RALGPS1: variants seen among roughly 807,000 people sequenced by gnomAD.
RALGPS1 encodes the protein ras-specific guanine nucleotide-releasing factor RalGPS1.
Under a neutral mutation model 78.8 loss-of-function variants are expected in RALGPS1, and 19 were observed. The ratio of observed to expected loss-of-function variants is 0.24; its 90% CI spans 0.17 to 0.35. The LOEUF (loss-of-function observed/expected upper bound fraction) is 0.35. Ranked by LOEUF, RALGPS1 falls within the 10% of genes least tolerant of loss-of-function variation. The pLI is 1.00. For missense variants in RALGPS1, 454 were observed against 688.3 expected (o/e 0.66, Z 3.81); for synonymous variants, 228 against 256.3 (o/e 0.89, Z 1.06).
At chr9:127,087,134 A>G (rs1466173898) in intron 8 of RALGPS1, among the ~76,000 whole-genome samples, 2 of 152,098 alleles carry the variant, frequency 1.3e-5, no homozygotes, top group African/African-American at 4.8e-5. Context: ...GATGTGGGGA[A>G]GTGGAGCTCC....
At chr9:126,932,493 A>G (rs2035881947) in intron 1 of RALGPS1, among the ~76,000 whole-genome samples, 1 of 152,188 alleles carries the variant, frequency 6.6e-6, no homozygotes, top group Admixed American at 6.5e-5. Flanking sequence ...CAAACTGGAA[A>G]CAATACCAGT....
intron 1 of RALGPS1, among the ~76,000 whole-genome samples, chr9:126,932,407 A>G (rs547778996): frequency 3.1e-4 from 47 of 152,318 alleles, no homozygotes; most frequent in African/African-American, 1.0e-3. Flanking sequence ...TTTGAGACAG[A>G]CACAAAGAAA....
At chr9:126,948,434 T>A (rs1012688797) in intron 1 of RALGPS1, among the ~76,000 whole-genome samples, 3 of 152,086 alleles carry the variant, frequency 2.0e-5, no homozygotes, top group African/African-American at 7.2e-5. Context: ...GGAGAATCGC[T>A]CGCTTGAACC....
intron 4 of RALGPS1, among the ~76,000 whole-genome samples, chr9:127,017,307 T>C (rs1271194175): frequency 6.6e-6 from 1 of 152,228 alleles, no homozygotes; most frequent in African/African-American, 2.4e-5. Flanking sequence ...GTGAGTACAC[T>C]GAGTAATGCA....
Position 127,218,895 on chromosome 9 carries a change from G to T in RALGPS1, c.*126G>T. The T allele has an allele frequency of 9.0e-7, 1 of 1,116,768 alleles. No individual in the cohort carries two copies. The highest frequency in any genetic ancestry group is 1.2e-5 in the South Asian group (1 of 80,372). The allele number at this position is 1,116,768 out of a possible 1,614,324, so 69.2% of individuals were successfully genotyped here. ...GGGAAACTCACAGCTGGACTCAGGG[G>T]ACACGGCCTGTGGCCTCACCATCCC... On this transcript the variant is annotated 3_prime_UTR_variant, in exon 19 of 19. Coordinates refer to ENST00000259351, the MANE Select transcript of RALGPS1 (RefSeq NM_014636.3). The surrounding 1 kb of genome is among the most constrained non-coding windows in gnomAD (Gnocchi z 4.4).
At chr9:126,939,529 A>G (rs503987) in intron 1 of RALGPS1, among the ~76,000 whole-genome samples, 110,511 of 152,170 alleles carry the variant, frequency 0.73, 40,365 homozygotes, top group East Asian at 0.81. Flanking sequence ...ACTCCTGAGC[A>G]CCAGCTGTTG....
intron 4 of RALGPS1, among the ~76,000 whole-genome samples, chr9:126,984,100 CTCTT>C (rs1564362640): frequency 6.6e-6 from 1 of 152,054 alleles, no homozygotes; most frequent in Non-Finnish European, 1.5e-5. Context: ...TGACTTTTCT[CTCTT>C]TCTTTTTTTC....
chr9:126,974,972 C>T (rs553656230), intron 3 of RALGPS1, among the ~76,000 whole-genome samples: 7 of 151,908 alleles, frequency 4.6e-5, no homozygotes, highest in Non-Finnish European at 5.9e-5. Flanking sequence ...TTCCCACCCC[C>T]CTTTTTGGTA....
In RALGPS1 at chr9:127,078,042, C is replaced by G. The variant is rs2136068307; in HGVS notation, c.610+8686C>G. Among the ~76,000 whole-genome samples, 2 of 152,276 alleles carry G rather than the reference C, an allele frequency of 1.3e-5. 1 individual carries two copies. Among genetic ancestry groups the G allele is most frequent in the South Asian group, 4.1e-4 (2 of 4,828 alleles). On this transcript the variant is annotated intron_variant, in intron 8 of 18. Transcript: ENST00000259351. ...CCCTCCCCACCCCCAGCCCAGGAAG[C>G]CTTTGAACAAATCTCCCCTTCCCTA... is the stretch of plus-strand genomic sequence containing the variant.
intron 4 of RALGPS1, among the ~76,000 whole-genome samples, chr9:127,025,553 T>C (rs1208687894): frequency 6.6e-6 from 1 of 152,210 alleles, no homozygotes; most frequent in Non-Finnish European, 1.5e-5. Context: ...ATGTGTGCTT[T>C]TTGCGATGAT....
At chr9:126,959,614 A>G (rs1171428361) in intron 1 of RALGPS1, among the ~76,000 whole-genome samples, 1 of 150,684 alleles carries the variant, frequency 6.6e-6, no homozygotes, top group Admixed American at 6.6e-5. Context: ...TTTTCTTTTA[A>G]CTATGAAAAT....
chr9:127,201,457 G>A (rs1382454103), intron 14 of RALGPS1, among the ~76,000 whole-genome samples: 1 of 152,202 alleles, frequency 6.6e-6, no homozygotes, highest in Non-Finnish European at 1.5e-5. Flanking sequence ...TTGCCCCTTG[G>A]CCACCGGCCT....
At chr9:127,199,148 C>T (rs1439277019) in intron 14 of RALGPS1, 82 bp downstream of exon 14, 25 of 1,331,768 alleles carry the variant, frequency 1.9e-5, no homozygotes, top group Middle Eastern at 1.8e-4. Flanking sequence ...CGGGCAGGGA[C>T]GGGCCCTGCC....
At chr9:127,110,543 C>T (rs1478857297) in intron 8 of RALGPS1, among the ~76,000 whole-genome samples, 3 of 152,164 alleles carry the variant, frequency 2.0e-5, no homozygotes, top group Non-Finnish European at 4.4e-5. Flanking sequence ...TGGAACTCTC[C>T]CCAGGACTCT....
At chr9:126,925,706 TAAA>T (rs567133671) in intron 1 of RALGPS1, among the ~76,000 whole-genome samples, 1 of 150,236 alleles carries the variant, frequency 6.7e-6, no homozygotes, top group South Asian at 2.1e-4. Flanking sequence ...CCCTATCTCT[TAAA>T]AAAAAAATTA....
At chr9:127,108,606 G>A (rs1294486471) in intron 8 of RALGPS1, 2 of 1,613,618 alleles carry the variant, frequency 1.2e-6, no homozygotes, top group Non-Finnish European at 1.7e-6. Flanking sequence ...GCTTGTACCT[G>A]TTTAGGTAAA....
At chr9:126,976,364 CACAT>C (rs2040634532) in intron 3 of RALGPS1, among the ~76,000 whole-genome samples, 2 of 149,740 alleles carry the variant, frequency 1.3e-5, no homozygotes, top group Admixed American at 1.3e-4. Flanking sequence ...TACACCCTCA[CACAT>C]ACACACACTT....
At chr9:126,966,709 A>G (rs2039536234) in intron 3 of RALGPS1, among the ~76,000 whole-genome samples, 1 of 151,984 alleles carries the variant, frequency 6.6e-6, no homozygotes, top group African/African-American at 2.4e-5. Flanking sequence ...TTGTTTATGT[A>G]TACTTTCTAT....
intron 8 of RALGPS1, among the ~76,000 whole-genome samples, chr9:127,075,571 A>G (rs2136008956): frequency 6.6e-6 from 1 of 152,390 alleles, no homozygotes; most frequent in East Asian, 1.9e-4. Context: ...ATTCCTGGAA[A>G]GTACAACATA....
Sources: allele counts gnomAD v4.1 joint callset (sites outside exome capture counted in the v4.1 genomes callset), GRCh38; gene constraint gnomAD v4.1.1; non-coding constraint Gnocchi (gnomAD v3.1); transcripts MANE v1.5; gene names NCBI Gene and HGNC (gene_info 2026-07-23, HGNC 2026-07-21).